KCNJ6: variants seen among roughly 807,000 people sequenced by gnomAD.
The protein encoded by KCNJ6 is G protein-activated inward rectifier potassium channel 2.
A neutral mutation model predicts 34.2 loss-of-function variants in KCNJ6; 9 were observed. The ratio of observed to expected loss-of-function variants is 0.26; its 90% confidence interval spans 0.16 to 0.46. KCNJ6 has a LOEUF of 0.46. KCNJ6 is among the 20% of genes least tolerant of loss of function. KCNJ6 has a pLI of 1.00. For missense variants in KCNJ6, 236 were observed against 531.3 expected, an observed-to-expected ratio of 0.44 and a Z score of 5.46; for synonymous variants, 196 against 207.1, an observed-to-expected ratio of 0.95 and a Z score of 0.46.
At chr21:37,661,206 C>G (rs984714939) in intron 3 of KCNJ6, among the ~76,000 whole-genome samples, 69 of 152,280 alleles carry the variant, frequency 4.5e-4, no homozygotes, top group African/African-American at 1.6e-3. Flanking sequence ...TCCCCACTCC[C>G]ACCTTTTGGT....
intron 2 of KCNJ6, among the ~76,000 whole-genome samples, chr21:37,783,802 G>A (rs974374795): frequency 2.6e-5 from 4 of 152,168 alleles, no homozygotes; most frequent in African/African-American, 9.7e-5. Flanking sequence ...GTCATAGAGT[G>A]GGGTCCTGAG....
chr21:37,762,532 A>G (rs1312132856), intron 2 of KCNJ6, among the ~76,000 whole-genome samples: 2 of 152,226 alleles, frequency 1.3e-5, no homozygotes, highest in African/African-American at 4.8e-5. Flanking sequence ...GTTTGCTGGA[A>G]GCAGAGCCCG....
At chr21:37,761,704 T>C (rs569096880) in intron 2 of KCNJ6, among the ~76,000 whole-genome samples, 1 of 151,758 alleles carries the variant, frequency 6.6e-6, no homozygotes, top group Admixed American at 6.6e-5. Context: ...TTGTATGTAG[T>C]GCATGTGTAT....
In KCNJ6 at chr21:37,607,483, T is replaced by TATATA. The variant is rs201127739; in HGVS notation, c.*17675_*17676insTATAT. The TATATA allele has an allele frequency of 3.0e-3, 278 of 92,098 alleles. 1 individual carries two copies. Among genetic ancestry groups the TATATA allele is most frequent in the African/African-American group, 0.011 (249 of 23,254 alleles). The allele number at this position is 92,098 out of a possible 1,614,324, so 5.7% of individuals were successfully genotyped here. ...TTAAAGATATATATATATATATATA[T>TATATA]TTTTTTTTTATTTTAAAAAAATTTG... On this transcript the variant is annotated 3_prime_UTR_variant, in exon 4 of 4. Transcript: ENST00000609713.
chr21:37,913,174 C>A (rs2055875027), intron 1 of KCNJ6, among the ~76,000 whole-genome samples: 2 of 152,204 alleles, frequency 1.3e-5, no homozygotes, highest in Non-Finnish European at 2.9e-5. Flanking sequence ...AGGATGAGAG[C>A]AGGGCAAAGA....
chr21:37,705,761 T>G (rs1018162192), intron 3 of KCNJ6, among the ~76,000 whole-genome samples: 23 of 152,190 alleles, frequency 1.5e-4, no homozygotes, highest in African/African-American at 5.6e-4. Flanking sequence ...AGAAAGAATT[T>G]AAAAGCTAGA....
intron 3 of KCNJ6, among the ~76,000 whole-genome samples, chr21:37,644,422 A>G (rs1248830091): frequency 6.6e-6 from 1 of 152,224 alleles, no homozygotes; most frequent in African/African-American, 2.4e-5. Context: ...CAAAGCATAT[A>G]ATGCCATATA....
At chr21:37,865,447 C>T (rs1348400940) in intron 1 of KCNJ6, among the ~76,000 whole-genome samples, 1 of 152,202 alleles carries the variant, frequency 6.6e-6, no homozygotes, top group East Asian at 1.9e-4. Flanking sequence ...AAAGGAAAGA[C>T]ACTGGCTGGA....
intron 2 of KCNJ6, among the ~76,000 whole-genome samples, chr21:37,817,984 A>G (rs2055354614): frequency 6.6e-6 from 1 of 152,192 alleles, no homozygotes; most frequent in Admixed American, 6.5e-5. Context: ...ATTGCTTTTC[A>G]GAAGCCCCAT....
In KCNJ6 at chr21:37,835,979, G is replaced by A. The variant is rs530962036; in HGVS notation, c.25+4679C>T. Among the ~76,000 whole-genome samples the A allele has an allele frequency of 1.8e-4, 27 of 152,108 alleles. No individual in the cohort carries two copies. In the South Asian group the frequency reaches 5.0e-3, roughly 28 times the overall value. The stretch of plus-strand genomic sequence containing the variant: ...AAATTGGCAGCCCACTTTTTGATGC[G>A]ATCTATCCATCTGACAAAGGGCTAA... On this transcript the variant is annotated intron_variant, in intron 2 of 3. Transcript: ENST00000609713.
At chr21:37,773,859 C>T (rs894916237) in intron 2 of KCNJ6, among the ~76,000 whole-genome samples, 2 of 152,152 alleles carry the variant, frequency 1.3e-5, no homozygotes, top group African/African-American at 2.4e-5. Flanking sequence ...AAGCATCCAT[C>T]CCCTCCAGGT....
rs1036891821 is a variant in KCNJ6 at position 37,901,311 on chromosome 21, G to A, written c.-28+14573C>T. ...AGGTGAGTGTTGTCTTAGAGAAAGA[G>A]TAGGTTGGTTTCCACAAGTTAGGCT... is the stretch of plus-strand genomic sequence containing the variant. On this transcript the variant is annotated intron_variant, in intron 1 of 3. Transcript: ENST00000609713. 2.0e-5 allele frequency among the ~76,000 whole-genome samples: 3 copies of A among 152,346 alleles called. No homozygotes were observed. In the South Asian group the frequency reaches 6.2e-4, roughly 32 times the overall value.
intron 2 of KCNJ6, among the ~76,000 whole-genome samples, chr21:37,826,368 A>T (rs889425135): frequency 2.0e-5 from 3 of 152,182 alleles, no homozygotes; most frequent in African/African-American, 4.8e-5. Flanking sequence ...TTTCAGGTTG[A>T]ACTTCATTTG....
chr21:37,784,589 C>A (rs944664663), intron 2 of KCNJ6, among the ~76,000 whole-genome samples: 3 of 152,160 alleles, frequency 2.0e-5, no homozygotes, highest in Admixed American at 2.0e-4. Flanking sequence ...TGGGGCCTTT[C>A]CTAGCTCCCA....
chr21:37,697,147 C>A (rs146108838), intron 3 of KCNJ6, among the ~76,000 whole-genome samples: 7 of 152,052 alleles, frequency 4.6e-5, no homozygotes, highest in Non-Finnish European at 8.8e-5. Context: ...GACCATAAGA[C>A]GATTGTTTGA....
At chr21:37,631,800 C>T (rs1268736793) in intron 3 of KCNJ6, among the ~76,000 whole-genome samples, 1 of 152,116 alleles carries the variant, frequency 6.6e-6, no homozygotes, top group African/African-American at 2.4e-5. Flanking sequence ...TGGGAATCCC[C>T]GTTAATTGAG....
At chr21:37,634,881 C>A (rs1367306805) in intron 3 of KCNJ6, among the ~76,000 whole-genome samples, 2 of 151,768 alleles carry the variant, frequency 1.3e-5, no homozygotes, top group Non-Finnish European at 2.9e-5. Context: ...GTCTCAGCCT[C>A]CTGAGGAGCT....
chr21:37,688,459 G>A (rs1393186514), intron 3 of KCNJ6, among the ~76,000 whole-genome samples: 1 of 151,930 alleles, frequency 6.6e-6, no homozygotes. Context: ...ACCTAGCCAG[G>A]CAGGAATCTC....
intron 3 of KCNJ6, among the ~76,000 whole-genome samples, chr21:37,669,859 G>T (rs1472199142): frequency 1.3e-5 from 2 of 152,140 alleles, no homozygotes; most frequent in Non-Finnish European, 2.9e-5. Flanking sequence ...ATGCATACAA[G>T]TTTTTTATTT....
Sources: allele counts gnomAD v4.1 joint callset (sites outside exome capture counted in the v4.1 genomes callset), GRCh38; gene constraint gnomAD v4.1.1; transcripts MANE v1.5; gene names NCBI Gene and HGNC (gene_info 2026-07-23, HGNC 2026-07-21).